Variants in COL11A1 observed in about 807,000 individuals in gnomAD.
COL11A1 encodes the protein collagen alpha-1(XI) chain.
Under a neutral mutation model 265.2 loss-of-function variants are expected in COL11A1, and 74 were observed. That is an observed-to-expected ratio of 0.28 (90% CI 0.23 to 0.34). The LOEUF (loss-of-function observed/expected upper bound fraction) is 0.34. Ranked by LOEUF, COL11A1 falls within the 10% of genes least tolerant of loss-of-function variation. The pLI, the probability that COL11A1 is intolerant of heterozygous loss-of-function variation, is 1.00. For synonymous variants in COL11A1, 816 were observed against 727.6 expected, an observed-to-expected ratio of 1.12 and a Z score of -1.96; for missense variants, 2,165 against 2,263.6, an observed-to-expected ratio of 0.96 and a Z score of 0.88.
intron 4 of COL11A1, among the ~76,000 whole-genome samples, chr1:103,061,137 G>T (rs1379498918): frequency 6.6e-6 from 1 of 152,082 alleles, no homozygotes; most frequent in Non-Finnish European, 1.5e-5. Context: ...AAACTTTGGA[G>T]CAGGGAAAAT....
At chr1:102,889,859 A>G (rs2100860292) in intron 58 of COL11A1, among the ~76,000 whole-genome samples, 1 of 152,188 alleles carries the variant, frequency 6.6e-6, no homozygotes, top group Non-Finnish European at 1.5e-5. Flanking sequence ...TCTCTAAACC[A>G]ATAATGATCT....
At chr1:102,970,324 T>C in intron 36 of COL11A1, 52 bp from the exon 37 acceptor site, 1 of 1,419,874 alleles carries the variant, frequency 7.0e-7, no homozygotes, top group South Asian at 1.2e-5. Context: ...AATTATTTTA[T>C]AGTCTAAATG....
chr1:102,934,625 T>C, intron 45 of COL11A1, 69 bp from the exon 46 acceptor site: 1 of 1,243,110 alleles, frequency 8.0e-7, no homozygotes, highest in Non-Finnish European at 1.2e-6. Context: ...TTAAAAAATG[T>C]GGCCATTTCT....
intron 14 of COL11A1, among the ~76,000 whole-genome samples, chr1:103,010,890 G>C (rs1234127437): frequency 6.6e-6 from 1 of 151,950 alleles, no homozygotes; most frequent in Non-Finnish European, 1.5e-5. Context: ...AGTAGAAACG[G>C]GGTTTCTCCA....
chr1:103,070,999 C>A (rs565633766), intron 4 of COL11A1, among the ~76,000 whole-genome samples: 1 of 151,752 alleles, frequency 6.6e-6, no homozygotes, highest in African/African-American at 2.4e-5. Context: ...TTTTTTCAGG[C>A]CTTGTACAGT....
intron 25 of COL11A1, 23 bp downstream of exon 25, chr1:102,998,287 A>G (rs1000304995): frequency 3.8e-6 from 6 of 1,596,074 alleles, no homozygotes; most frequent in Admixed American, 1.7e-5. Context: ...AGAAATTTTA[A>G]TGACCAGGTA....
Position 103,078,878 on chromosome 1 carries a change from A to G in COL11A1, c.275-7T>C, listed in dbSNP as rs12136865. ...TCTTCTGGGAAAGTTCCACCTGAGA[A>G]GAAAAGGCCAAAGAGTTAGAAATTT... On this transcript the variant is annotated splice_polypyrimidine_tract_variant and splice_region_variant and intron_variant, in intron 2 of 66. Coordinates refer to ENST00000370096, the MANE Select transcript of COL11A1 (RefSeq NM_001854.4). 0.15 allele frequency: 241,205 copies of G among 1,584,692 alleles called. 19,380 individuals carry two copies. The highest frequency in any genetic ancestry group is 0.2 in the Admixed American group (11,418 of 58,540).
intron 4 of COL11A1, among the ~76,000 whole-genome samples, chr1:103,045,844 C>A (rs945139654): frequency 2.0e-5 from 3 of 151,394 alleles, no homozygotes; most frequent in African/African-American, 7.3e-5. Context: ...ATTCAATTCC[C>A]ACCTGAGTGA....
chr1:102,963,799 T>C (rs1399077596), intron 38 of COL11A1, among the ~76,000 whole-genome samples: 1 of 152,056 alleles, frequency 6.6e-6, no homozygotes, highest in Non-Finnish European at 1.5e-5. Context: ...TTCTTAACTA[T>C]CTGAACACCA....
chr1:102,888,174 G>A (rs537106161), intron 62 of COL11A1, among the ~76,000 whole-genome samples: 16 of 152,138 alleles, frequency 1.1e-4, no homozygotes, highest in African/African-American at 3.9e-4. Context: ...TTAATAAAGT[G>A]GTAGCTATTA....
rs1289307572 is a variant in COL11A1 at position 103,047,307 on chromosome 1, T to C, written c.652-16063A>G. 5.3e-5 allele frequency among the ~76,000 whole-genome samples: 8 copies of C among 152,216 alleles called. 1 individual carries two copies. The highest frequency in any genetic ancestry group is 2.6e-4 in the Admixed American group (4 of 15,280). On this transcript the variant is annotated intron_variant, in intron 4 of 66. Transcript: ENST00000370096. ...TTGAGCAGTGGTTTGTAGTTATCCT[T>C]GAAGAGGTCCTTCACATCCCTTGTA...
chr1:103,009,480 A>C (rs1300095389), intron 14 of COL11A1, among the ~76,000 whole-genome samples: 1 of 152,168 alleles, frequency 6.6e-6, no homozygotes, highest in Non-Finnish European at 1.5e-5. Flanking sequence ...ATGTGTACTA[A>C]AATAAATAAA....
At chr1:103,009,775 C>T (rs1375419345) in intron 14 of COL11A1, among the ~76,000 whole-genome samples, 4 of 152,112 alleles carry the variant, frequency 2.6e-5, no homozygotes, top group South Asian at 2.1e-4. Context: ...GAAATATTAA[C>T]GATGCCCACA....
chr1:102,955,447 T>C (rs2622848), intron 41 of COL11A1, among the ~76,000 whole-genome samples: 48,743 of 152,038 alleles, frequency 0.32, 8,918 homozygotes, highest in African/African-American at 0.51. Flanking sequence ...TGGACATATA[T>C]TCTGTACCAG....
chr1:102,999,095 G>T (rs1664886649), intron 24 of COL11A1, among the ~76,000 whole-genome samples: 1 of 151,780 alleles, frequency 6.6e-6, no homozygotes, highest in African/African-American at 2.4e-5. Context: ...CAGAGCCCAG[G>T]TCATCGTTAT....
chr1:102,988,984 C>A (rs1210277172), intron 29 of COL11A1, among the ~76,000 whole-genome samples: 6 of 152,136 alleles, frequency 3.9e-5, no homozygotes, highest in Admixed American at 6.6e-5. Context: ...AAAAATAAAT[C>A]TTCCCAATAA....
chr1:103,074,890 A>G, intron 3 of COL11A1, 110 bp from the exon 4 acceptor site: 2 of 1,275,584 alleles, frequency 1.6e-6, no homozygotes, highest in Non-Finnish European at 2.2e-6. Flanking sequence ...AGCTAAAATC[A>G]TACAAAAAAT....
chr1:102,897,107 A>G (rs1387585187), intron 57 of COL11A1, among the ~76,000 whole-genome samples: 4 of 152,074 alleles, frequency 2.6e-5, no homozygotes, highest in African/African-American at 9.7e-5. Context: ...GAAAGTTTAA[A>G]TAATCTCTTT....
intron 1 of COL11A1, among the ~76,000 whole-genome samples, chr1:103,105,292 G>A (rs527453065): frequency 2.6e-5 from 4 of 151,978 alleles, no homozygotes; most frequent in South Asian, 4.1e-4. Context: ...ACATATATAT[G>A]AAACATAAAA....
Sources: gnomAD v4.1 joint callset for allele counts (sites outside exome capture counted in the v4.1 genomes callset) on GRCh38, gnomAD v4.1.1 for gene constraint, MANE v1.5 for transcripts, NCBI Gene and HGNC (gene_info 2026-07-23, HGNC 2026-07-21) for gene names.